CTDP1: variants seen among roughly 807,000 people sequenced by gnomAD.
The protein encoded by CTDP1 is CTD phosphatase 1.
In CTDP1, 47 loss-of-function variants were observed where a neutral mutation model predicts 91.8. The ratio of observed to expected loss-of-function variants is 0.51; its 90% CI spans 0.41 to 0.65. The LOEUF is 0.65. CTDP1 is among the 30% of genes least tolerant of loss of function. The pLI is 0.00. For synonymous variants in CTDP1, 656 were observed against 598.5 expected, an observed-to-expected ratio of 1.10 and a Z score of -1.40; for missense variants, 1,272 against 1,373.7, an observed-to-expected ratio of 0.93 and a Z score of 1.17.
chr18:79,700,774 G>C (rs1306166828), intron 4 of CTDP1, among the ~76,000 whole-genome samples: 2 of 152,194 alleles, frequency 1.3e-5, no homozygotes, highest in Non-Finnish European at 2.9e-5. Context: ...TGCCGTCTAG[G>C]ACTTTCATAG....
chr18:79,700,492 A>T (rs569820525), intron 4 of CTDP1, among the ~76,000 whole-genome samples: 2 of 152,360 alleles, frequency 1.3e-5, no homozygotes, highest in East Asian at 3.9e-4. Context: ...GCCAAAGCCT[A>T]ATCCAGAGCA....
intron 10 of CTDP1, among the ~76,000 whole-genome samples, chr18:79,721,452 T>C (rs962883435): frequency 1.3e-5 from 2 of 152,134 alleles, no homozygotes; most frequent in African/African-American, 4.8e-5. Flanking sequence ...GTCATTCTAA[T>C]CAGTAGAAGC....
At chr18:79,706,584 C>G (rs1346851742) in intron 5 of CTDP1, among the ~76,000 whole-genome samples, 1 of 152,104 alleles carries the variant, frequency 6.6e-6, no homozygotes, top group Admixed American at 6.6e-5. Context: ...ATAATTTTGC[C>G]TAGTTTGTCT....
Position 79,730,373 on chromosome 18 carries a change from G to A in CTDP1, c.2580+1304G>A, listed in dbSNP as rs116019937. Among the ~76,000 whole-genome samples, 1,054 of 152,294 alleles carry A rather than the reference G, an allele frequency of 6.9e-3. 10 individuals are homozygous for A. The highest frequency in any genetic ancestry group is 0.022 in the African/African-American group (929 of 41,554). On this transcript the variant is annotated intron_variant, in intron 11 of 12. Coordinates refer to ENST00000613122, the MANE Select transcript of CTDP1 (RefSeq NM_004715.5). ...TGCCTGGAAGCTGCTGACACGTCCC[G>A]TCTCCCTCCTGGTTTCCTGGTCGGG...
Position 79,729,086 on chromosome 18 carries a change from C to G in CTDP1, c.2580+17C>G, listed in dbSNP as rs377343845. The G allele has an allele frequency of 1.9e-6, 3 of 1,612,184 alleles. No homozygotes were observed. Among genetic ancestry groups the G allele is most frequent in the Non-Finnish European group, 2.5e-6 (3 of 1,179,998 alleles). On this transcript the variant is annotated intron_variant, in intron 11 of 12. Transcript: ENST00000613122. Reference sequence around the variant, plus strand: ...GACAAAGAGGTGAGCCAACCCCACGCCCCGGTGCCCGCGCCAGCGCTCGTG... The same window carrying G: ...GACAAAGAGGTGAGCCAACCCCACGGCCCGGTGCCCGCGCCAGCGCTCGTG...
intron 10 of CTDP1, among the ~76,000 whole-genome samples, chr18:79,719,007 G>A (rs1383062346): frequency 5.3e-5 from 8 of 151,968 alleles, no homozygotes; most frequent in East Asian, 1.9e-4. Context: ...TGGAGTGCAT[G>A]GCCCTCCCAA....
chr18:79,754,122 A>C lies in CTDP1; in HGVS notation c.*332A>C. 2.5e-6 allele frequency: 1 copy of C among 395,548 alleles called. No individual in the cohort carries two copies. The highest frequency in any genetic ancestry group is 5.8e-5 in the East Asian group (1 of 17,176). The allele number at this position is 395,548 out of a possible 1,614,324, so 24.5% of individuals were successfully genotyped here. On this transcript the variant is annotated 3_prime_UTR_variant, in exon 13 of 13. Transcript: ENST00000613122. ...GTTTTCCCCTTGTGTACCAGAGCAC[A>C]TTCCTTAGGGGACGGCTTTGGGGGT...
chr18:79,702,749 A>G (rs1270253521), intron 4 of CTDP1: 2 of 152,244 alleles, frequency 1.3e-5, no homozygotes, highest in Admixed American at 6.5e-5. Context: ...TGAATGTTTA[A>G]TAAGCTGCAG....
chr18:79,712,762 T>G (rs1296953559), intron 6 of CTDP1, among the ~76,000 whole-genome samples: 1 of 152,184 alleles, frequency 6.6e-6, no homozygotes, highest in African/African-American at 2.4e-5. Flanking sequence ...AACTCCTGCC[T>G]GAAGGAGAAT....
At chr18:79,693,773 C>A (rs1303393081) in intron 1 of CTDP1, among the ~76,000 whole-genome samples, 3 of 152,166 alleles carry the variant, frequency 2.0e-5, no homozygotes, top group Non-Finnish European at 4.4e-5. Context: ...CCAGGAAGAA[C>A]TCCCCTCCAC....
upstream of CTDP1, chr18:79,678,851 G>A (rs796790166): frequency 1.9e-5 from 3 of 156,722 alleles, no homozygotes; most frequent in African/African-American, 7.2e-5. Flanking sequence ...AAGTATTAAT[G>A]AATCTGTTTT....
rs1292258665 is a variant in CTDP1 at position 79,728,614 on chromosome 18, G to C, written c.2418-293G>C. On this transcript the variant is annotated intron_variant, in intron 10 of 12. Coordinates refer to ENST00000613122, the MANE Select transcript of CTDP1 (RefSeq NM_004715.5). ...CTTTGCCCTTTATTCTAAGATGCCAGAGCCTGGCAGATGCTCTCTGCCCCA... is the reference window on the plus strand; with the variant it reads ...CTTTGCCCTTTATTCTAAGATGCCACAGCCTGGCAGATGCTCTCTGCCCCA... 2.6e-5 allele frequency among the ~76,000 whole-genome samples: 3 copies of C among 115,844 alleles called. No homozygotes were observed. In the Admixed American group the frequency reaches 2.9e-4, roughly 11 times the overall value. 76.0% of individuals were successfully genotyped at this position (115,844 alleles called of 152,430 possible).
intron 12 of CTDP1, among the ~76,000 whole-genome samples, chr18:79,747,589 G>A (rs774494161): frequency 1.3e-5 from 2 of 152,210 alleles, no homozygotes; most frequent in Admixed American, 6.5e-5. Context: ...AGCCCCCCAC[G>A]CTTGTGTGAG....
intron 12 of CTDP1, among the ~76,000 whole-genome samples, chr18:79,739,274 G>A (rs112619835): frequency 0.025 from 3,739 of 152,306 alleles, 78 homozygotes; most frequent in Non-Finnish European, 0.038. Flanking sequence ...GGCCAGCCAC[G>A]TCATCCAGGA....
In CTDP1 at chr18:79,717,590, T is replaced by C; in HGVS notation, c.2124T>C (p.Pro708=). ...GCGGACACCTGCACGTGGTCAACCC[T>C]GACTGGCTGTGGAGCTGCCTGGAGC... is the stretch of plus-strand genomic sequence containing the variant. The part of the protein sequence containing the change: ...QECGHLHVVN[P]DWLWSCLERW... The change falls in exon 9 of 13, where the codon CCT becomes CCC. Residue 708 remains proline, a synonymous_variant. Transcript: ENST00000613122. The C allele has an allele frequency of 6.2e-7, 1 of 1,613,916 alleles. No individual in the cohort carries two copies. The highest frequency in any genetic ancestry group is 1.1e-5 in the South Asian group (1 of 91,090).
At chr18:79,685,636 A>G (rs1158134546) in intron 1 of CTDP1, 2 of 152,192 alleles carry the variant, frequency 1.3e-5, no homozygotes, top group Non-Finnish European at 2.9e-5. Flanking sequence ...AGATTTTGGA[A>G]TGAGAATCTC....
intron 5 of CTDP1, among the ~76,000 whole-genome samples, chr18:79,709,688 T>A (rs1226098129): frequency 1.3e-5 from 2 of 152,210 alleles, no homozygotes; most frequent in African/African-American, 4.8e-5. Flanking sequence ...CCGGATGTCC[T>A]TCCTTCCCAG....
At chr18:79,693,891 C>T (rs1372679532) in intron 1 of CTDP1, among the ~76,000 whole-genome samples, 2 of 148,146 alleles carry the variant, frequency 1.4e-5, no homozygotes, top group African/African-American at 5.3e-5. Flanking sequence ...ACCCGCCCCT[C>T]CGCTCCCCTG....
At chr18:79,725,796 A>G (rs2086433745) in intron 10 of CTDP1, among the ~76,000 whole-genome samples, 1 of 151,722 alleles carries the variant, frequency 6.6e-6, no homozygotes, top group South Asian at 2.1e-4. Context: ...TTTTCACAGG[A>G]CAAGACTCTG....
Sources: gnomAD v4.1 joint callset for allele counts (sites outside exome capture counted in the v4.1 genomes callset) on GRCh38, gnomAD v4.1.1 for gene constraint, MANE v1.5 for transcripts, NCBI Gene and HGNC (gene_info 2026-07-23, HGNC 2026-07-21) for gene names.